The following SMIM17 variants were observed in gnomAD, a reference collection of about 807,000 sequenced individuals.
SMIM17 encodes the protein small integral membrane protein 17.
A neutral mutation model predicts 12.2 loss-of-function variants in SMIM17; 10 were observed. The observed-to-expected ratio is 0.82, with a 90% CI of 0.50 to 1.39. The LOEUF is 1.39. Among genes scored for constraint, SMIM17 ranks in the 40% most tolerant of loss-of-function variants. SMIM17 has a pLI of 0.00. For missense variants in SMIM17, 136 were observed against 118.2 expected (o/e 1.15, Z -0.70); for synonymous variants, 50 against 44.1 (o/e 1.13, Z -0.53).
At chr19:56,648,072 TCCA>T in intron 3 of SMIM17, among the ~76,000 whole-genome samples, 1 of 149,388 alleles carries the variant, frequency 6.7e-6, no homozygotes, top group African/African-American at 2.5e-5. Flanking sequence ...CATCCATCCA[TCCA>T]TCCATCCATC....
intron 3 of SMIM17, among the ~76,000 whole-genome samples, chr19:56,649,776 C>CA (rs1489261695): frequency 1.3e-5 from 2 of 151,812 alleles, no homozygotes; most frequent in African/African-American, 4.8e-5. Context: ...GAGGTGAGGT[C>CA]ATGGGGGCGA....
chr19:56,643,468 G>A (rs1423737845), intron 1 of SMIM17, among the ~76,000 whole-genome samples: 1 of 152,160 alleles, frequency 6.6e-6, no homozygotes, highest in Non-Finnish European at 1.5e-5. Context: ...CCTGGCTTGG[G>A]GGTTGCAGGT....
intron 3 of SMIM17, among the ~76,000 whole-genome samples, chr19:56,650,630 G>T (rs967529642): frequency 6.6e-6 from 1 of 152,170 alleles, no homozygotes; most frequent in Non-Finnish European, 1.5e-5. Flanking sequence ...CTTGCTTCAG[G>T]TCCCACAATG....
At chr19:56,647,500 C>T in intron 2 of SMIM17, 58 bp from the exon 3 acceptor site, 2 of 1,313,648 alleles carry the variant, frequency 1.5e-6, no homozygotes, top group Non-Finnish European at 1.0e-6. Flanking sequence ...AGAGCCCACT[C>T]CTGCCATCTG....
intron 3 of SMIM17, among the ~76,000 whole-genome samples, chr19:56,654,575 G>A (rs2045134305): frequency 6.6e-6 from 1 of 152,212 alleles, no homozygotes; most frequent in African/African-American, 2.4e-5. Flanking sequence ...TTGAATGTGG[G>A]TGGTGTCAGA....
intron 2 of SMIM17, 21 bp downstream of exon 2, chr19:56,645,857 G>C: frequency 6.6e-7 from 1 of 1,519,540 alleles, no homozygotes. Context: ...GGGGTCCTTT[G>C]GGAGGTGAGT....
rs77555753 is a variant in SMIM17, at chr19:56,657,037, A to G, written c.*1824A>G. ...AATTTTGGCCTATTATATTCATTAAAAACCAATAAGGTTATGTGAAACTTT... is the reference window on the plus strand; with the variant it reads ...AATTTTGGCCTATTATATTCATTAAGAACCAATAAGGTTATGTGAAACTTT... On this transcript the variant is annotated 3_prime_UTR_variant, in exon 4 of 4. Transcript: ENST00000598409. Among the ~76,000 whole-genome samples, 1,994 of 152,184 alleles carry G rather than the reference A, an allele frequency of 0.013. 43 individuals carry two copies. The highest frequency in any genetic ancestry group is 0.045 in the African/African-American group (1,871 of 41,434).
rs981137127 is a variant in SMIM17, at chr19:56,656,020, C to T, written c.*807C>T. On this transcript the variant is annotated 3_prime_UTR_variant, in exon 4 of 4. Coordinates refer to ENST00000598409, the MANE Select transcript of SMIM17 (RefSeq NM_001193628.2). ...AGTCTGGAGTGCAGTGGCGCCATCTCGGCTCACTGTAAGCAGAGGGTTCAT... is the reference window on the plus strand; with the variant it reads ...AGTCTGGAGTGCAGTGGCGCCATCTTGGCTCACTGTAAGCAGAGGGTTCAT... Among the ~76,000 whole-genome samples the T allele has an allele frequency of 2.0e-5, 3 of 147,684 alleles. No homozygotes were observed. Among genetic ancestry groups the T allele is most frequent in the Non-Finnish European group, 4.4e-5 (3 of 67,538 alleles).
rs1345982217 is a variant in SMIM17 at position 56,656,330 on chromosome 19, A to G, written c.*1117A>G. On this transcript the variant is annotated 3_prime_UTR_variant, in exon 4 of 4. Transcript: ENST00000598409. ...TAATTATGCATAATGTTTTATAATT[A>G]AAAATTTCTCTTTATTTTGTTCTAT... Among the ~76,000 whole-genome samples the G allele has an allele frequency of 1.3e-5, 2 of 152,132 alleles. No homozygotes were observed. Among genetic ancestry groups the G allele is most frequent in the African/African-American group, 4.8e-5 (2 of 41,450 alleles).
In SMIM17 at chr19:56,655,405, A is replaced by C. The variant is rs2045142307; in HGVS notation, c.*192A>C. On this transcript the variant is annotated 3_prime_UTR_variant, in exon 4 of 4. Transcript: ENST00000598409. ...CACATACTTTATTTCCATGAAATGA[A>C]GACATCATTGATTGTAAAACATTAT... is the stretch of plus-strand genomic sequence containing the variant. 1 of 477,770 alleles carries C rather than the reference A, an allele frequency of 2.1e-6. No homozygotes were observed. Among genetic ancestry groups the C allele is most frequent in the Admixed American group, 3.7e-5 (1 of 27,166 alleles). The allele number at this position is 477,770 out of a possible 1,614,324, so 29.6% of individuals were successfully genotyped here.
intron 2 of SMIM17, 60 bp downstream of exon 2, chr19:56,645,896 T>G (rs1288470818): frequency 2.7e-6 from 4 of 1,457,106 alleles, no homozygotes; most frequent in Non-Finnish European, 1.8e-6. Flanking sequence ...TGGCAGAGCC[T>G]AGGGAAAGAC....
chr19:56,646,840 C>A (rs55675272), intron 2 of SMIM17, among the ~76,000 whole-genome samples: 1 of 152,012 alleles, frequency 6.6e-6, no homozygotes, highest in South Asian at 2.1e-4. Context: ...TGCCATTTGC[C>A]GACATCTCAA....
chr19:56,653,338 C>T (rs904208056), intron 3 of SMIM17, among the ~76,000 whole-genome samples: 2 of 152,084 alleles, frequency 1.3e-5, no homozygotes, highest in Non-Finnish European at 2.9e-5. Context: ...ATTGTTATTC[C>T]TCCAGTTGGC....
In SMIM17 at chr19:56,646,635, G is replaced by A. The variant is rs74713218; in HGVS notation, c.169+799G>A. 3.3e-3 allele frequency among the ~76,000 whole-genome samples: 507 copies of A among 152,312 alleles called. 2 individuals carry two copies. Among genetic ancestry groups the A allele is most frequent in the East Asian group, 0.028 (146 of 5,172 alleles). ...TGAGAATGGATTGTAGGGCTAGGAA[G>A]TCAAGAATGGAAGGTGGGAGGCCAG... On this transcript the variant is annotated intron_variant, in intron 2 of 3. Transcript: ENST00000598409.
chr19:56,647,498 C>A, intron 2 of SMIM17, 60 bp from the exon 3 acceptor site: 4 of 1,302,626 alleles, frequency 3.1e-6, no homozygotes, highest in African/African-American at 1.5e-5. Flanking sequence ...GAAGAGCCCA[C>A]TCCTGCCATC....
chr19:56,647,761 T>C (rs2045075663), intron 3 of SMIM17, 127 bp downstream of exon 3: 4 of 772,688 alleles, frequency 5.2e-6, no homozygotes, highest in Non-Finnish European at 8.5e-6. Context: ...CTCTTGTGTC[T>C]GATCTCTATG....
chr19:56,644,107 G>T (rs1568516344), intron 1 of SMIM17, among the ~76,000 whole-genome samples: 1 of 151,682 alleles, frequency 6.6e-6, no homozygotes, highest in East Asian at 1.9e-4. Context: ...GATGGCTGTC[G>T]TCTTTCCCAT....
intron 3 of SMIM17, among the ~76,000 whole-genome samples, chr19:56,652,948 C>CCT (rs2148044392): frequency 6.6e-6 from 1 of 151,994 alleles, no homozygotes; most frequent in Admixed American, 6.5e-5. Context: ...GTGAGGCATC[C>CCT]ATGGGTCTAT....
intron 2 of SMIM17, among the ~76,000 whole-genome samples, chr19:56,646,534 T>A (rs901413276): frequency 6.6e-6 from 1 of 151,770 alleles, no homozygotes; most frequent in Admixed American, 6.6e-5. Flanking sequence ...GGACGGACCC[T>A]CCCCCCACAG....
Sources: gnomAD v4.1 joint callset for allele counts (sites outside exome capture counted in the v4.1 genomes callset) on GRCh38, gnomAD v4.1.1 for gene constraint, MANE v1.5 for transcripts, NCBI Gene and HGNC (gene_info 2026-07-23, HGNC 2026-07-21) for gene names.